The following PLA2G6 variants were observed in gnomAD, a reference collection of about 807,000 sequenced individuals.
The protein encoded by PLA2G6 is phospholipase A2 group VI, also known as 85/88 kDa calcium-independent phospholipase A2.
PLA2G6 carries 62 observed loss-of-function variants against 83.8 expected under a neutral mutation model. That is an observed-to-expected ratio of 0.74 (90% CI 0.60 to 0.91). PLA2G6 has a LOEUF of 0.91. PLA2G6 is among the 40% of genes least tolerant of loss of function. The pLI is 0.00. For synonymous variants in PLA2G6, 417 were observed against 449.8 expected (o/e 0.93, Z 0.92); for missense variants, 944 against 1,102.0 (o/e 0.86, Z 2.03).
At chr22:38,169,180 G>A (rs769435461) in intron 2 of PLA2G6, 38 bp downstream of exon 2, 2 of 1,507,158 alleles carry the variant, frequency 1.3e-6, no homozygotes, top group East Asian at 2.3e-5. Context: ...GTGGGGGAGT[G>A]AAAGGAGAGA....
Position 38,181,826 on chromosome 22 carries a change from C to A in PLA2G6, c.-208G>T, listed in dbSNP as rs931985678. ...TTCTACTTCCTCCTACTTCCGCAAA[C>A]AAACGGGCCTCGGGCCACGTGATGG... On this transcript the variant is annotated 5_prime_UTR_variant, in exon 1 of 17. Transcript: ENST00000332509. 2 of 152,316 alleles carry A rather than the reference C, an allele frequency of 1.3e-5. No homozygotes were observed. Among genetic ancestry groups the A allele is most frequent in the Non-Finnish European group, 2.9e-5 (2 of 68,078 alleles). The allele number at this position is 152,316 out of a possible 1,614,324, so 9.4% of individuals were successfully genotyped here.
At position 38,143,255 on chromosome 22, in the gene PLA2G6, G is replaced by A. The variant is rs1451018857; in HGVS notation, c.459C>T (p.Cys153=). Residue 153 remains cysteine (C), a synonymous_variant, in exon 4 of 17, where the codon TGC becomes TGT. Transcript: ENST00000332509. The part of the protein sequence containing the change: ...CANCAENEEG[C]TPLHLACRKG... Reference sequence around the variant, plus strand: ...TGCGGCAGGCCAGGTGCAGGGGTGTGCAGCCCTCCTCGTTCTCCGCGCAAT... The same window carrying A: ...TGCGGCAGGCCAGGTGCAGGGGTGTACAGCCCTCCTCGTTCTCCGCGCAAT... 1.2e-6 allele frequency: 2 copies of A among 1,613,784 alleles called. No individual in the cohort carries two copies. Among genetic ancestry groups the A allele is most frequent in the South Asian group, 2.2e-5 (2 of 91,086 alleles).
intron 1 of PLA2G6, among the ~76,000 whole-genome samples, chr22:38,174,856 G>A (rs1335679250): frequency 6.6e-6 from 1 of 152,124 alleles, no homozygotes; most frequent in Non-Finnish European, 1.5e-5. Context: ...GTCCAGGGCT[G>A]CTATGTCAGT....
chr22:38,118,712 A>T (rs1357628902), intron 12 of PLA2G6, among the ~76,000 whole-genome samples: 2 of 150,904 alleles, frequency 1.3e-5, no homozygotes, highest in East Asian at 3.9e-4. Flanking sequence ...AGAATTTATA[A>T]ATATTTTTTC....
At chr22:38,122,040 G>A (rs1250181642) in intron 11 of PLA2G6, among the ~76,000 whole-genome samples, 1 of 152,094 alleles carries the variant, frequency 6.6e-6, no homozygotes, top group Admixed American at 6.5e-5. Flanking sequence ...CTAACGTCCC[G>A]GCAACTTGAC....
At chr22:38,122,108 G>T (rs192208878) in intron 11 of PLA2G6, among the ~76,000 whole-genome samples, 1 of 152,270 alleles carries the variant, frequency 6.6e-6, no homozygotes, top group East Asian at 1.9e-4. Flanking sequence ...TGGACTGGCT[G>T]AGCCCCCTGC....
At chr22:38,133,061 C>A in intron 6 of PLA2G6, 48 bp from the exon 7 acceptor site, 1 of 1,526,042 alleles carries the variant, frequency 6.6e-7, no homozygotes, top group Non-Finnish European at 8.8e-7. Context: ...CGGGGAGCTG[C>A]CGCACCCCGG....
chr22:38,119,492 G>T (rs2087400388), intron 12 of PLA2G6, among the ~76,000 whole-genome samples: 1 of 152,198 alleles, frequency 6.6e-6, no homozygotes, highest in African/African-American at 2.4e-5. Context: ...CGACACAGGA[G>T]AATCGTGTGC....
intron 1 of PLA2G6, among the ~76,000 whole-genome samples, chr22:38,172,750 G>A (rs1274546123): frequency 6.6e-6 from 1 of 152,232 alleles, no homozygotes; most frequent in Non-Finnish European, 1.5e-5. Flanking sequence ...GCACCCATGA[G>A]CCTCAGATTG....
At chr22:38,141,485 G>A (rs1419096507) in intron 4 of PLA2G6, 1 of 152,366 alleles carries the variant, frequency 6.6e-6, no homozygotes, top group African/African-American at 2.4e-5. Context: ...CACTGGACCT[G>A]AAGGCAGGCC....
chr22:38,178,139 A>G (rs959348834), intron 1 of PLA2G6, among the ~76,000 whole-genome samples: 21 of 152,216 alleles, frequency 1.4e-4, no homozygotes, highest in Admixed American at 1.2e-3. Context: ...TCCCAAGCAC[A>G]TGAGACAGGG....
chr22:38,113,345 T>C, intron 15 of PLA2G6, 142 bp downstream of exon 15: 1 of 831,080 alleles, frequency 1.2e-6, no homozygotes, highest in Non-Finnish European at 2.0e-6. Context: ...CTGTGGACTC[T>C]CTCTCCCTCC....
intron 3 of PLA2G6, chr22:38,145,032 C>CA (rs1556030782): frequency 4.2e-5 from 8 of 192,672 alleles, no homozygotes; most frequent in African/African-American, 1.8e-4. Context: ...AACGCAGCAC[C>CA]TTTTTTTTTT....
chr22:38,125,573 G>A (rs2087803922), intron 10 of PLA2G6: 2 of 435,258 alleles, frequency 4.6e-6, no homozygotes, highest in Non-Finnish European at 9.5e-6. Context: ...CCCAGAGAGA[G>A]CCTGCGGTAG....
intron 7 of PLA2G6, chr22:38,130,575 C>T (rs1246279412): frequency 6.6e-6 from 1 of 151,826 alleles, no homozygotes; most frequent in Non-Finnish European, 1.5e-5. Context: ...CCTCGGCCTC[C>T]CAAAATGCTG....
Position 38,128,260 on chromosome 22 carries a change from G to A in PLA2G6, c.1348+9C>T, listed in dbSNP as rs587784328. ...GCTGGAGAAGAGGGAGTCGGGAGGCGAGGCCTACCTAGGTTGTTTAGGCTG... is the reference window on the plus strand; with the variant it reads ...GCTGGAGAAGAGGGAGTCGGGAGGCAAGGCCTACCTAGGTTGTTTAGGCTG... On this transcript the variant is annotated intron_variant, in intron 9 of 16. Coordinates refer to ENST00000332509, the MANE Select transcript of PLA2G6 (RefSeq NM_003560.4). The surrounding 1 kb of genome is among the most constrained non-coding windows in gnomAD (Gnocchi z 4.4). 13 of 1,611,934 alleles carry A rather than the reference G, an allele frequency of 8.1e-6. No homozygotes were observed. Among genetic ancestry groups the A allele is most frequent in the Middle Eastern group, 2.2e-4 (1 of 4,590 alleles).
At chr22:38,173,178 C>G (rs898917038) in intron 1 of PLA2G6, among the ~76,000 whole-genome samples, 1 of 152,170 alleles carries the variant, frequency 6.6e-6, no homozygotes, top group African/African-American at 2.4e-5. Flanking sequence ...CTCTTCCCAG[C>G]ACAGCTGCAA....
chr22:38,135,242 A>G (rs1329028640), intron 5 of PLA2G6, 158 bp from the exon 6 acceptor site: 1 of 646,498 alleles, frequency 1.5e-6, no homozygotes, highest in Non-Finnish European at 2.8e-6. Flanking sequence ...TTAAGGCTGT[A>G]CTGAGCCCCT....
chr22:38,136,333 A>G (rs985056088), intron 5 of PLA2G6: 3 of 152,238 alleles, frequency 2.0e-5, no homozygotes, highest in African/African-American at 7.2e-5. Context: ...TCACGCCTGT[A>G]ATCCCAGCAC....
Sources: gnomAD v4.1 joint callset for allele counts (sites outside exome capture counted in the v4.1 genomes callset) on GRCh38, gnomAD v4.1.1 for gene constraint, Gnocchi (gnomAD v3.1) non-coding constraint, MANE v1.5 for transcripts, NCBI Gene and HGNC (gene_info 2026-07-23, HGNC 2026-07-21) for gene names.